Variants in DGAT2 observed in about 807,000 individuals in gnomAD.
DGAT2 encodes the protein diacylglycerol O-acyltransferase 2, also known as acyl-CoA retinol O-fatty-acyltransferase.
In DGAT2, 33 loss-of-function variants were observed where a neutral mutation model predicts 48.4. That is an observed-to-expected ratio of 0.68 (90% CI 0.52 to 0.91). The LOEUF (loss-of-function observed/expected upper bound fraction) is 0.91. Among genes scored for constraint, DGAT2 ranks in the 40% least tolerant of loss-of-function variants. The probability of loss-of-function intolerance (pLI) is 0.00; values close to 1 mark genes in which losing one functional copy is unlikely to be tolerated. For missense variants in DGAT2, 446 were observed against 493.7 expected (o/e 0.90, Z 0.92); for synonymous variants, 191 against 194.1 (o/e 0.98, Z 0.13).
chr11:75,789,434 G>A (rs1944959300), intron 2 of DGAT2, among the ~76,000 whole-genome samples: 1 of 152,184 alleles, frequency 6.6e-6, no homozygotes, highest in Admixed American at 6.5e-5. Flanking sequence ...ACGGGTGTGA[G>A]CCACTGTGCC....
intron 1 of DGAT2, among the ~76,000 whole-genome samples, chr11:75,769,372 C>T (rs1944733767): frequency 6.6e-6 from 1 of 152,150 alleles, no homozygotes; most frequent in East Asian, 1.9e-4. Flanking sequence ...CGGCTGGTGA[C>T]CCCTGGCACT....
intron 1 of DGAT2, among the ~76,000 whole-genome samples, chr11:75,782,769 G>C (rs1410235695): frequency 6.6e-6 from 1 of 152,238 alleles, no homozygotes; most frequent in East Asian, 1.9e-4. Flanking sequence ...CCTGTGTACA[G>C]AGCCTTTGCA....
intron 2 of DGAT2, among the ~76,000 whole-genome samples, chr11:75,785,871 C>G (rs918750624): frequency 8.5e-5 from 13 of 152,204 alleles, no homozygotes; most frequent in African/African-American, 3.1e-4. Flanking sequence ...CACAAAGGTT[C>G]ATCAACTACC....
intron 2 of DGAT2, among the ~76,000 whole-genome samples, chr11:75,789,483 C>T (rs953062884): frequency 6.6e-6 from 1 of 152,180 alleles, no homozygotes; most frequent in African/African-American, 2.4e-5. Context: ...GGCTGATGGG[C>T]TCTGCGCTTT....
At position 75,797,351 on chromosome 11, in the gene DGAT2, A is replaced by G. The variant is rs1565320471; in HGVS notation, c.809+19A>G. ...GTCATGGGTGAGTGCCTCCCTACAC[A>G]CACACACACCCCTCCAGTGCCCCTC... On this transcript the variant is annotated intron_variant, in intron 6 of 7. Transcript: ENST00000228027. 1 of 1,446,084 alleles carries G rather than the reference A, an allele frequency of 6.9e-7. No homozygotes were observed. Among genetic ancestry groups the G allele is most frequent in the Admixed American group, 2.4e-5 (1 of 41,746 alleles). 89.6% of individuals were successfully genotyped at this position (1,446,084 alleles called of 1,614,324 possible).
chr11:75,784,664 C>T lies in DGAT2; in HGVS notation c.168C>T (p.Val56=). 2 of 1,614,122 alleles carry T rather than the reference C, an allele frequency of 1.2e-6. No individual in the cohort carries two copies. Among genetic ancestry groups the T allele is most frequent in the South Asian group, 1.1e-5 (1 of 91,086 alleles). ...CCGCCCTCCAGGACCTCTTCTCTGT[C>T]ACCTGGCTCAATAGGTCCAAGGTGG... ...ILSALQDLFS[V]TWLNRSKVEK... is the part of the protein sequence containing the mutation. Residue 56 remains valine, a synonymous_variant, in exon 2 of 8, where the codon GTC becomes GTT. Coordinates refer to ENST00000228027, the MANE Select transcript of DGAT2 (RefSeq NM_032564.5).
At chr11:75,784,792 C>T (rs772379389) in intron 2 of DGAT2, 46 bp downstream of exon 2, 12 of 1,612,036 alleles carry the variant, frequency 7.4e-6, no homozygotes, top group Non-Finnish European at 1.0e-5. Flanking sequence ...GCAGTGTCCA[C>T]TTCCCCAAAA....
chr11:75,796,606 A>G, intron 5 of DGAT2, 74 bp downstream of exon 5: 2 of 1,475,098 alleles, frequency 1.4e-6, no homozygotes, highest in Non-Finnish European at 1.8e-6. Flanking sequence ...GCAGGGTGAC[A>G]CAGGGAGCCA....
chr11:75,796,544 C>G lies in DGAT2; in HGVS notation c.634+12C>G. The G allele has an allele frequency of 6.2e-7, 1 of 1,609,710 alleles. No homozygotes were observed. The highest frequency in any genetic ancestry group is 2.2e-5 in the East Asian group (1 of 44,850). ...CCTGATGTCTGGAGGTAAGAATCCA[C>G]CCCCTGTGCTCCTGCTGGGCACTGT... On this transcript the variant is annotated intron_variant, in intron 5 of 7. Transcript: ENST00000228027.
intron 1 of DGAT2, among the ~76,000 whole-genome samples, chr11:75,770,707 TAGG>T (rs1360986826): frequency 6.6e-6 from 1 of 152,194 alleles, no homozygotes; most frequent in Non-Finnish European, 1.5e-5. Context: ...GTTTGTTCCT[TAGG>T]AGAACTTGTA....
chr11:75,771,697 A>G (rs951536113), intron 1 of DGAT2, among the ~76,000 whole-genome samples: 1 of 152,078 alleles, frequency 6.6e-6, no homozygotes, highest in Non-Finnish European at 1.5e-5. Context: ...CATTACTCTC[A>G]TGCTTCCCTC....
At chr11:75,769,321 G>T (rs1671052000) in intron 1 of DGAT2, among the ~76,000 whole-genome samples, 1 of 152,112 alleles carries the variant, frequency 6.6e-6, no homozygotes, top group African/African-American at 2.4e-5. Context: ...ACCATTCTTA[G>T]TTATTAGGGA....
intron 1 of DGAT2, among the ~76,000 whole-genome samples, chr11:75,770,460 C>T (rs545340823): frequency 1.3e-5 from 2 of 152,242 alleles, no homozygotes; most frequent in Non-Finnish European, 2.9e-5. Flanking sequence ...AGCCCCTTCT[C>T]TCACTTGAGT....
chr11:75,768,780 C>T lies in DGAT2; in HGVS notation c.-212C>T, dbSNP rs570891875. The T allele has an allele frequency of 7.1e-5, 35 of 491,440 alleles. No homozygotes were observed. Among genetic ancestry groups the T allele is most frequent in the African/African-American group, 3.2e-4 (16 of 49,884 alleles). 30.4% of individuals were successfully genotyped at this position (491,440 alleles called of 1,614,324 possible). A position where few individuals can be genotyped will look rare whatever the true frequency, so the allele number is the denominator to read the frequency against. On this transcript the variant is annotated 5_prime_UTR_variant, in exon 1 of 8. Transcript: ENST00000228027. Reference sequence around the variant, plus strand: ...GTGTTGCGCTCCGGGACGCCAGCGCCGCGGCTGCCGCCTCTGCTGGGGTCT... The same window carrying T: ...GTGTTGCGCTCCGGGACGCCAGCGCTGCGGCTGCCGCCTCTGCTGGGGTCT...
At position 75,800,394 on chromosome 11, in the gene DGAT2, C is replaced by G; in HGVS notation, c.1053C>G (p.Thr351=). Reference sequence around the variant, plus strand: ...CCATCCCCAAGCTGGAGCACCCAACCCAGCAAGACATCGACCTGTACCACA... The same window carrying G: ...CCATCCCCAAGCTGGAGCACCCAACGCAGCAAGACATCGACCTGTACCACA... ...PITIPKLEHP[T]QQDIDLYHTM... Residue 351 remains threonine, a synonymous_variant, in exon 8 of 8, where the codon ACC becomes ACG. Coordinates refer to ENST00000228027, the MANE Select transcript of DGAT2 (RefSeq NM_032564.5). 1 of 1,614,178 alleles carries G rather than the reference C, an allele frequency of 6.2e-7. No individual in the cohort carries two copies. Among genetic ancestry groups the G allele is most frequent in the Non-Finnish European group, 8.5e-7 (1 of 1,180,040 alleles).
chr11:75,782,181 C>G (rs553537938), intron 1 of DGAT2, among the ~76,000 whole-genome samples: 16 of 152,124 alleles, frequency 1.1e-4, no homozygotes, highest in Non-Finnish European at 2.1e-4. Flanking sequence ...AGGTGGTGTT[C>G]CCCGGTGCTG....
At chr11:75,772,058 C>G (rs1416936694) in intron 1 of DGAT2, among the ~76,000 whole-genome samples, 1 of 152,146 alleles carries the variant, frequency 6.6e-6, no homozygotes, top group Non-Finnish European at 1.5e-5. Context: ...TGGCCTGACT[C>G]CTTAAGCCAA....
intron 2 of DGAT2, 136 bp downstream of exon 2, chr11:75,784,882 C>T (rs1736922884): frequency 1.6e-6 from 2 of 1,236,846 alleles, no homozygotes; most frequent in East Asian, 2.4e-5. Flanking sequence ...AGCACCTTTC[C>T]ACATCTATCT....
intron 1 of DGAT2, chr11:75,776,719 G>A (rs2135759748): frequency 6.6e-6 from 1 of 152,282 alleles, no homozygotes; most frequent in Non-Finnish European, 1.5e-5. Flanking sequence ...AATAGCAGTG[G>A]GCATGACCCT....
Sources: allele counts gnomAD v4.1 joint callset (sites outside exome capture counted in the v4.1 genomes callset), GRCh38; gene constraint gnomAD v4.1.1; transcripts MANE v1.5; gene names NCBI Gene and HGNC (gene_info 2026-07-23, HGNC 2026-07-21).